The following ZNF680 variants were observed in gnomAD, a reference collection of about 807,000 sequenced individuals.
ZNF680 encodes hypothetical protein FLJ90430.
A neutral mutation model predicts 12.1 loss-of-function variants in ZNF680; 6 were observed. That is an observed-to-expected ratio of 0.49 (90% CI 0.27 to 0.98). The LOEUF (loss-of-function observed/expected upper bound fraction) is 0.98. ZNF680 is among the 50% of genes least tolerant of loss of function. ZNF680 has a pLI of 0.12. For synonymous variants in ZNF680, 170 were observed against 199.3 expected (o/e 0.85, Z 1.24); for missense variants, 561 against 616.3 (o/e 0.91, Z 0.95).
downstream of ZNF680, among the ~76,000 whole-genome samples, chr7:64,516,761 T>C (rs988416399): frequency 5.3e-5 from 8 of 152,112 alleles, no homozygotes; most frequent in African/African-American, 1.9e-4. Context: ...TGAAATGATA[T>C]CAAGTACTTT....
chr7:64,520,163 C>A lies in ZNF680; in HGVS notation c.*998G>T, dbSNP rs961265854. The A allele has an allele frequency of 3.3e-5, 5 of 151,584 alleles. No individual in the cohort carries two copies. Among genetic ancestry groups the A allele is most frequent in the African/African-American group, 4.8e-5 (2 of 41,366 alleles). The allele number at this position is 151,584 out of a possible 1,614,324, so 9.4% of individuals were successfully genotyped here. A position where few individuals can be genotyped will look rare whatever the true frequency, so the allele number is the denominator to read the frequency against. ...ACATTTTAATGCCCATACTCTTCCA[C>A]AGAAAAAACCATAAATAATGCCCAT... is the stretch of plus-strand genomic sequence containing the variant. On this transcript the variant is annotated 3_prime_UTR_variant, in exon 4 of 4. Transcript: ENST00000309683.
downstream of ZNF680, among the ~76,000 whole-genome samples, chr7:64,518,979 A>G (rs74432805): frequency 7.2e-3 from 1,088 of 152,150 alleles, 11 homozygotes; most frequent in African/African-American, 0.025. Context: ...CAACGAAAAC[A>G]AATATAAACA....
chr7:64,505,691 G>A, the ZNF680 span, among the ~76,000 whole-genome samples: 1 of 151,956 alleles, frequency 6.6e-6, no homozygotes, highest in Non-Finnish European at 1.5e-5. Flanking sequence ...TCCCATTGAC[G>A]TAATCAGTGT....
the ZNF680 span, among the ~76,000 whole-genome samples, chr7:64,511,651 T>TA: frequency 2.0e-5 from 3 of 151,420 alleles, no homozygotes; most frequent in Non-Finnish European, 2.9e-5. Context: ...AAAAACCCTC[T>TA]AAAAAAACCT....
intron 1 of ZNF680, chr7:64,551,645 T>A (rs533355734): frequency 3.3e-5 from 5 of 153,254 alleles, no homozygotes; most frequent in Middle Eastern, 1.4e-3. Context: ...ATTTCCAGCA[T>A]GAGTCTGTAA....
intron 1 of ZNF680, among the ~76,000 whole-genome samples, chr7:64,555,412 T>C (rs570094011): frequency 2.5e-4 from 38 of 150,742 alleles, no homozygotes; most frequent in African/African-American, 9.0e-4. Flanking sequence ...AAATGACTTT[T>C]GAGTAAATAA....
chr7:64,538,369 T>A (rs998864609), intron 3 of ZNF680, among the ~76,000 whole-genome samples: 2 of 152,222 alleles, frequency 1.3e-5, no homozygotes, highest in South Asian at 2.1e-4. Context: ...GCAAATCACA[T>A]GTGATAGGAG....
the ZNF680 span, among the ~76,000 whole-genome samples, chr7:64,502,986 A>C: frequency 6.6e-6 from 1 of 151,920 alleles, no homozygotes; most frequent in African/African-American, 2.4e-5. Context: ...CCTGTTAATC[A>C]GTGTCAGGTG....
chr7:64,523,397 T>C (rs1791650363), intron 3 of ZNF680, among the ~76,000 whole-genome samples: 1 of 151,586 alleles, frequency 6.6e-6, no homozygotes, highest in Non-Finnish European at 1.5e-5. Context: ...TCTGTATAGA[T>C]ATACAAAAGA....
the ZNF680 span, among the ~76,000 whole-genome samples, chr7:64,511,513 T>C: frequency 2.0e-5 from 3 of 151,938 alleles, no homozygotes; most frequent in Non-Finnish European, 4.4e-5. Context: ...TGTTGTCCTC[T>C]AAAAAATAGT....
intron 3 of ZNF680, chr7:64,526,511 T>A: frequency 1.4e-6 from 1 of 739,560 alleles, no homozygotes; most frequent in Non-Finnish European, 2.1e-6. Flanking sequence ...AGCAACACAG[T>A]AAGACTCTGC....
intron 1 of ZNF680, among the ~76,000 whole-genome samples, chr7:64,545,079 C>T (rs1227148464): frequency 2.0e-5 from 3 of 151,540 alleles, no homozygotes; most frequent in Non-Finnish European, 4.4e-5. Context: ...GCCAACATGG[C>T]GAAACCCCAT....
the ZNF680 span, chr7:64,501,093 GA>G: frequency 1.1e-6 from 1 of 951,676 alleles, no homozygotes; most frequent in Non-Finnish European, 1.7e-6. Flanking sequence ...AGCCAAAAGT[GA>G]ACGGAGGAAA....
intron 2 of ZNF680, chr7:64,544,022 T>G (rs1240914857): frequency 1.7e-6 from 1 of 601,116 alleles, no homozygotes; most frequent in Non-Finnish European, 2.7e-6. Context: ...GTGGGGGCAA[T>G]TAAATTTTAA....
chr7:64,561,488 A>C (rs560178640), intron 1 of ZNF680, among the ~76,000 whole-genome samples: 34 of 152,210 alleles, frequency 2.2e-4, no homozygotes, highest in Non-Finnish European at 3.8e-4. Context: ...GGAAGATAAA[A>C]GGAAAAGAGG....
chr7:64,500,556 C>A, the ZNF680 span, among the ~76,000 whole-genome samples: 2 of 152,166 alleles, frequency 1.3e-5, no homozygotes, highest in South Asian at 2.1e-4. Context: ...TTCATAATAT[C>A]ATTTCTATGT....
downstream of ZNF680, among the ~76,000 whole-genome samples, chr7:64,515,956 A>G (rs1237325178): frequency 1.3e-5 from 2 of 151,900 alleles, no homozygotes; most frequent in East Asian, 3.9e-4. Flanking sequence ...CAGCATCTAT[A>G]TATCATCATT....
chr7:64,536,558 C>A (rs975433805), intron 3 of ZNF680, among the ~76,000 whole-genome samples: 1 of 152,122 alleles, frequency 6.6e-6, no homozygotes, highest in Admixed American at 6.6e-5. Flanking sequence ...GAGGAATTTG[C>A]CCCCATGACC....
chr7:64,520,270 ATAAAG>A lies in ZNF680; in HGVS notation c.*886_*890del, dbSNP rs940224432. ...CACATGTGAATACAATAGGAATGAA[ATAAAG>A]TAATTTGAGAGTTGAATTTCATCAT... On this transcript the variant is annotated 3_prime_UTR_variant, in exon 4 of 4. Coordinates refer to ENST00000309683, the MANE Select transcript of ZNF680 (RefSeq NM_178558.5). 3.3e-5 allele frequency: 5 copies of A among 151,854 alleles called. No individual in the cohort carries two copies. Among genetic ancestry groups the A allele is most frequent in the African/African-American group, 7.2e-5 (3 of 41,442 alleles). 9.4% of individuals were successfully genotyped at this position (151,854 alleles called of 1,614,324 possible).
Sources: gnomAD v4.1 joint callset for allele counts (sites outside exome capture counted in the v4.1 genomes callset) on GRCh38, gnomAD v4.1.1 for gene constraint, MANE v1.5 for transcripts, NCBI Gene and HGNC (gene_info 2026-07-23, HGNC 2026-07-21) for gene names.